Variants in PTK2 observed in about 807,000 individuals in gnomAD.
PTK2 encodes protein tyrosine kinase 2, also known as focal adhesion kinase 1.
PTK2 carries 45 observed loss-of-function variants against 150.1 expected under a neutral mutation model. That is an observed-to-expected ratio of 0.30 (90% CI 0.24 to 0.38). The LOEUF (loss-of-function observed/expected upper bound fraction) is 0.38, where lower values mean the gene tolerates loss of function less well. PTK2 is among the 10% of genes least tolerant of loss of function. The pLI is 1.00. For missense variants in PTK2, 919 were observed against 1,307.3 expected (o/e 0.70, Z 4.58); for synonymous variants, 432 against 449.2 (o/e 0.96, Z 0.48).
chr8:140,702,619 G>C lies in PTK2; in HGVS notation c.2318C>G (p.Ser773Ter). ...TATCTCCTGAGGTCTATGATTCCAT[G>C]AATCTGTTTGGTCCAAAAGAGATGC... Residue 773 changes from serine (S) to a stop codon, truncating the protein, a stop_gained, in exon 25 of 32, where the codon TCA (serine) becomes TGA (stop). Coordinates refer to ENST00000522684, the Ensembl canonical transcript of PTK2. LOFTEE classifies it high-confidence loss of function. 1 of 1,614,048 alleles carries C rather than the reference G, an allele frequency of 6.2e-7. No homozygotes were observed. Among genetic ancestry groups the C allele is most frequent in the Non-Finnish European group, 8.5e-7 (1 of 1,179,976 alleles).
intron 3 of PTK2, among the ~76,000 whole-genome samples, chr8:140,888,772 G>A (rs1450754155): frequency 8.2e-6 from 1 of 121,492 alleles, no homozygotes; most frequent in Admixed American, 7.8e-5. Context: ...GAACATTTTT[G>A]CTAAATGTCT....
chr8:140,974,445 G>A (rs911098367), intron 1 of PTK2, among the ~76,000 whole-genome samples: 3 of 152,186 alleles, frequency 2.0e-5, no homozygotes, highest in African/African-American at 7.2e-5. Flanking sequence ...ATGCCCGTCA[G>A]TCTCCAGCTC....
At chr8:140,881,488 A>C (rs966103590) in intron 3 of PTK2, among the ~76,000 whole-genome samples, 4 of 152,140 alleles carry the variant, frequency 2.6e-5, no homozygotes, top group Admixed American at 1.3e-4. Context: ...TCCTTGGTAA[A>C]CCACAGGTCA....
intron 20 of PTK2, among the ~76,000 whole-genome samples, chr8:140,741,170 G>C (rs571796162): frequency 5.4e-5 from 8 of 147,008 alleles, no homozygotes; most frequent in African/African-American, 2.0e-4. Context: ...TAAAAAATTA[G>C]GCCAGGCGCA....
In PTK2 at chr8:140,846,332, G is replaced by C. The variant is rs2100125449; in HGVS notation, c.531-10C>G. On this transcript the variant is annotated splice_polypyrimidine_tract_variant and intron_variant, in intron 6 of 31. Coordinates refer to ENST00000522684, the Ensembl canonical transcript of PTK2. ...CTCCCAGTATGATCGCCTAAAATCA[G>C]GGAAGACATACATTTATATGTATAT... is the stretch of plus-strand genomic sequence containing the variant. 6.2e-7 allele frequency: 1 copy of C among 1,610,358 alleles called. No individual in the cohort carries two copies. Among genetic ancestry groups the C allele is most frequent in the Non-Finnish European group, 8.5e-7 (1 of 1,177,246 alleles).
intron 29 of PTK2, 68 bp downstream of exon 32, chr8:140,674,230 T>C (rs748474091): frequency 1.2e-5 from 17 of 1,423,970 alleles, no homozygotes; most frequent in Non-Finnish European, 1.7e-5. Flanking sequence ...CATGAACACA[T>C]CAACTGAGAA....
chr8:140,818,850 G>A (rs1211791349), intron 9 of PTK2, 30 bp downstream of exon 9: 2 of 1,599,462 alleles, frequency 1.3e-6, no homozygotes, highest in African/African-American at 2.7e-5. Flanking sequence ...AATCAAACTA[G>A]CCCACTATTT....
At chr8:140,674,188 G>T (rs750325536) in intron 29 of PTK2, 110 bp downstream of exon 32, 4 of 1,116,402 alleles carry the variant, frequency 3.6e-6, no homozygotes, top group Admixed American at 3.4e-5. Context: ...ACTCTGCACT[G>T]TTCTATTTTC....
At chr8:140,864,327 A>G in exon 5 of PTK2, 1 of 1,590,726 alleles carries the variant, frequency 6.3e-7, no homozygotes, top group East Asian at 2.3e-5. Context: ...GATAGAAGAA[A>G]TTCAAAGTTG....
At chr8:140,927,961 A>G (rs868160690) in intron 1 of PTK2, among the ~76,000 whole-genome samples, 391 of 32,736 alleles carry the variant, frequency 0.012, no homozygotes, top group Admixed American at 0.013. Context: ...AAAAAAAGAA[A>G]AAAAAAAAAA....
At chr8:140,806,897 A>C (rs1255285846) in intron 10 of PTK2, among the ~76,000 whole-genome samples, 1 of 152,190 alleles carries the variant, frequency 6.6e-6, no homozygotes, top group Non-Finnish European at 1.5e-5. Context: ...CTGCCCACCT[A>C]CTCTAAATCA....
intron 1 of PTK2, among the ~76,000 whole-genome samples, chr8:140,968,083 T>C (rs748420981): frequency 6.6e-6 from 1 of 152,258 alleles, no homozygotes; most frequent in Non-Finnish European, 1.5e-5. Flanking sequence ...GTGGGAATAC[T>C]GTGTCTCATT....
intron 2 of PTK2, among the ~76,000 whole-genome samples, chr8:140,919,123 G>A: frequency 6.6e-6 from 1 of 152,134 alleles, no homozygotes; most frequent in East Asian, 1.9e-4. Context: ...AACCTCCTCT[G>A]AACAACTGGA....
chr8:140,850,454 G>A (rs1408699388), intron 5 of PTK2, among the ~76,000 whole-genome samples: 3 of 148,002 alleles, frequency 2.0e-5, no homozygotes, highest in Non-Finnish European at 4.5e-5. Flanking sequence ...GGCCAGGCGC[G>A]GTGGCTTATG....
intron 23 of PTK2, among the ~76,000 whole-genome samples, chr8:140,711,393 C>G (rs1026444822): frequency 6.6e-6 from 1 of 152,226 alleles, no homozygotes; most frequent in Non-Finnish European, 1.5e-5. Flanking sequence ...AGGCGTGAGC[C>G]ACCATGCCCG....
Position 140,776,080 on chromosome 8 carries a change from T to C in PTK2, c.1178-11790A>G, listed in dbSNP as rs187275260. 3.3e-4 allele frequency among the ~76,000 whole-genome samples: 50 copies of C among 152,348 alleles called. No individual in the cohort carries two copies. The East Asian group carries it at 8.9e-3, about 27-fold the overall frequency. ...AGTGCAGTGGCGTGATCTTGCTTAC[T>C]ATAACCTCCGGCTCCCAGGTTCAAG... is the stretch of plus-strand genomic sequence containing the variant. On this transcript the variant is annotated intron_variant, in intron 14 of 31. Coordinates refer to ENST00000522684, the Ensembl canonical transcript of PTK2.
chr8:140,715,212 G>A (rs552457446), intron 23 of PTK2, among the ~76,000 whole-genome samples: 1 of 97,640 alleles, frequency 1.0e-5, no homozygotes, highest in Non-Finnish European at 1.8e-5. Context: ...TCACTTTATC[G>A]CCCAAACTAG....
At chr8:140,820,076 GTTTTT>G (rs370537018) in intron 8 of PTK2, among the ~76,000 whole-genome samples, 7 of 50,250 alleles carry the variant, frequency 1.4e-4, no homozygotes, top group Admixed American at 3.0e-4. Flanking sequence ...TCTGACTTTG[GTTTTT>G]TTTTTTTTTT....
chr8:140,787,739 T>A (rs2100085785), intron 14 of PTK2, among the ~76,000 whole-genome samples: 1 of 152,210 alleles, frequency 6.6e-6, no homozygotes, highest in African/African-American at 2.4e-5. Context: ...TTCCCTTCTC[T>A]CTTGATCAAG....
Sources: allele counts gnomAD v4.1 joint callset (sites outside exome capture counted in the v4.1 genomes callset), GRCh38; gene constraint gnomAD v4.1.1; transcripts MANE v1.5; gene names NCBI Gene and HGNC (gene_info 2026-07-23, HGNC 2026-07-21).